Variants in DTNA observed in about 807,000 individuals in gnomAD.
DTNA encodes the protein dystrobrevin alpha.
DTNA carries 43 observed loss-of-function variants against 100.7 expected under a neutral mutation model. The ratio of observed to expected loss-of-function variants is 0.43; its 90% confidence interval spans 0.33 to 0.55. The LOEUF is 0.55. DTNA is among the 20% of genes least tolerant of loss of function. The pLI is 0.04. For missense variants in DTNA, 798 were observed against 953.9 expected (o/e 0.84, Z 2.15); for synonymous variants, 349 against 347.9 (o/e 1.00, Z -0.04).
chr18:34,745,580 T>C (rs2091438923), intron 1 of DTNA, among the ~76,000 whole-genome samples: 1 of 152,180 alleles, frequency 6.6e-6, no homozygotes, highest in South Asian at 2.1e-4. Flanking sequence ...TATCCAGGTA[T>C]TCTGGTTCCT....
intron 1 of DTNA, among the ~76,000 whole-genome samples, chr18:34,663,475 A>T (rs779415446): frequency 2.6e-4 from 39 of 152,174 alleles, no homozygotes; most frequent in Non-Finnish European, 4.6e-4. Context: ...ACATCCTTTT[A>T]ATAGTGCAAG....
At chr18:34,509,282 A>G in intron 1 of DTNA, among the ~76,000 whole-genome samples, 1 of 152,124 alleles carries the variant, frequency 6.6e-6, no homozygotes, top group East Asian at 1.9e-4. Context: ...TGGCAATACT[A>G]ATCAGATGTC....
intron 1 of DTNA, among the ~76,000 whole-genome samples, chr18:34,698,727 C>A (rs1420251422): frequency 1.3e-5 from 2 of 152,160 alleles, no homozygotes; most frequent in Non-Finnish European, 2.9e-5. Context: ...CAGGAAGCAT[C>A]TAGCATGGGA....
chr18:34,726,491 G>T (rs963802191), intron 1 of DTNA, among the ~76,000 whole-genome samples: 1 of 152,128 alleles, frequency 6.6e-6, no homozygotes, highest in Non-Finnish European at 1.5e-5. Flanking sequence ...TGCTTCCAAC[G>T]ACAGTAATAC....
chr18:34,496,890 A>G (rs1210083966), intron 1 of DTNA, among the ~76,000 whole-genome samples: 4 of 152,116 alleles, frequency 2.6e-5, no homozygotes, highest in African/African-American at 9.7e-5. Flanking sequence ...AATTTTCTGA[A>G]TTATGTTCTG....
chr18:34,739,052 C>G (rs1308268603), intron 1 of DTNA, among the ~76,000 whole-genome samples: 1 of 152,030 alleles, frequency 6.6e-6, no homozygotes, highest in African/African-American at 2.4e-5. Flanking sequence ...GTTTTTCAAC[C>G]CTTTCTCCCC....
intron 1 of DTNA, among the ~76,000 whole-genome samples, chr18:34,655,995 A>C (rs1360978763): frequency 6.6e-6 from 1 of 152,232 alleles, no homozygotes; most frequent in Non-Finnish European, 1.5e-5. Flanking sequence ...ACATGTTTAC[A>C]CACACGTGTG....
intron 1 of DTNA, among the ~76,000 whole-genome samples, chr18:34,540,808 TA>T (rs1424017766): frequency 2.0e-5 from 3 of 152,130 alleles, no homozygotes; most frequent in African/African-American, 7.2e-5. Context: ...ACTGCTTCTC[TA>T]AACCAGACAT....
At chr18:34,809,789 T>C (rs1157643934) in intron 5 of DTNA, among the ~76,000 whole-genome samples, 1 of 152,194 alleles carries the variant, frequency 6.6e-6, no homozygotes, top group African/African-American at 2.4e-5. Context: ...TTGAAGTTGA[T>C]TTTCTTAACG....
intron 1 of DTNA, among the ~76,000 whole-genome samples, chr18:34,630,158 T>A (rs939916319): frequency 6.6e-6 from 1 of 152,144 alleles, no homozygotes; most frequent in African/African-American, 2.4e-5. Context: ...CATTTTTTTT[T>A]AATCACAACC....
intron 1 of DTNA, among the ~76,000 whole-genome samples, chr18:34,675,393 C>A (rs373666283): frequency 6.6e-6 from 1 of 151,962 alleles, no homozygotes; most frequent in African/African-American, 2.4e-5. Flanking sequence ...TTAGGCTACC[C>A]GTTCTTGAAT....
At chr18:34,557,149 G>C (rs1449289114) in intron 1 of DTNA, among the ~76,000 whole-genome samples, 1 of 149,682 alleles carries the variant, frequency 6.7e-6, no homozygotes, top group African/African-American at 2.5e-5. Context: ...CTTTCTTCCA[G>C]TTGATCGCAT....
intron 1 of DTNA, among the ~76,000 whole-genome samples, chr18:34,620,492 C>A (rs760150272): frequency 3.3e-5 from 5 of 152,132 alleles, no homozygotes; most frequent in African/African-American, 1.2e-4. Flanking sequence ...AGTTTATTCT[C>A]ACATTGCTAT....
intron 1 of DTNA, among the ~76,000 whole-genome samples, chr18:34,662,574 G>A (rs1272493423): frequency 1.3e-5 from 2 of 152,294 alleles, no homozygotes; most frequent in East Asian, 3.9e-4. Flanking sequence ...AAACATATCT[G>A]CATGTAACTT....
chr18:34,785,631 A>G (rs1335827960), intron 3 of DTNA, among the ~76,000 whole-genome samples: 1 of 152,226 alleles, frequency 6.6e-6, no homozygotes, highest in East Asian at 1.9e-4. Flanking sequence ...TTTCTCTATA[A>G]GAGAATATAA....
At chr18:34,501,501 T>C (rs1401716588) in intron 1 of DTNA, among the ~76,000 whole-genome samples, 1 of 152,224 alleles carries the variant, frequency 6.6e-6, no homozygotes, top group Non-Finnish European at 1.5e-5. Flanking sequence ...GTGTTCCCTC[T>C]TCTATTTTCT....
upstream of DTNA, among the ~76,000 whole-genome samples, chr18:34,705,473 A>G (rs2081998611): frequency 6.6e-6 from 1 of 152,232 alleles, no homozygotes; most frequent in Non-Finnish European, 1.5e-5. Context: ...TAAAATTACA[A>G]AAAGCAAAGT....
chr18:34,734,581 C>G lies in DTNA; in HGVS notation c.-1-21395C>G, dbSNP rs1239868414. On this transcript the variant is annotated intron_variant, in intron 1 of 22. Coordinates refer to ENST00000444659, the MANE Select transcript of DTNA (RefSeq NM_001386795.1). Reference sequence around the variant, plus strand: ...AGCTCTTTCTCTACAGGAGATAAGACTCTCATTCAGGGCAATCTTAGCAGA... The same window carrying G: ...AGCTCTTTCTCTACAGGAGATAAGAGTCTCATTCAGGGCAATCTTAGCAGA... 1.3e-5 allele frequency among the ~76,000 whole-genome samples: 2 copies of G among 152,160 alleles called. 1 individual carries two copies. The highest frequency in any genetic ancestry group is 3.8e-4 in the East Asian group (2 of 5,196).
intron 2 of DTNA, 98 bp from the exon 3 acceptor site, chr18:34,765,863 G>A (rs895279742): frequency 9.0e-7 from 1 of 1,116,808 alleles, no homozygotes; most frequent in Non-Finnish European, 1.3e-6. Context: ...AATAAAATTA[G>A]GGGTAAGGAT....
Sources: allele counts gnomAD v4.1 joint callset (sites outside exome capture counted in the v4.1 genomes callset), GRCh38; gene constraint gnomAD v4.1.1; transcripts MANE v1.5; gene names NCBI Gene and HGNC (gene_info 2026-07-23, HGNC 2026-07-21).